IQSEC2: variants seen among roughly 807,000 people sequenced by gnomAD.
IQSEC2 encodes IQ motif and Sec7 domain ArfGEF 2, also known as IQ motif and SEC7 domain-containing protein 2.
Under a neutral mutation model 74.6 loss-of-function variants are expected in IQSEC2, and 6 were observed. The observed-to-expected ratio is 0.08, with a 90% CI of 0.04 to 0.16. The LOEUF (loss-of-function observed/expected upper bound fraction) is 0.16, where lower values mean the gene tolerates loss of function less well. Among genes scored for constraint, IQSEC2 ranks in the 10% least tolerant of loss-of-function variants. The pLI, the probability that IQSEC2 is intolerant of heterozygous loss-of-function variation, is 1.00. For missense variants in IQSEC2, 734 were observed against 1,306.2 expected, an observed-to-expected ratio of 0.56 and a Z score of 6.75; for synonymous variants, 494 against 544.5, an observed-to-expected ratio of 0.91 and a Z score of 1.29.
At chrX:53,282,450 C>T (rs2074979778) in intron 2 of IQSEC2, among the ~76,000 whole-genome samples, 1 of 112,820 alleles carries the variant, frequency 8.9e-6, no homozygotes, top group Admixed American at 9.3e-5. Flanking sequence ...TGTAGGGCTC[C>T]TGAGAATACC....
chrX:53,270,115 G>A (rs1556868407), intron 2 of IQSEC2, among the ~76,000 whole-genome samples: 1 of 110,527 alleles, frequency 9.0e-6, no homozygotes, highest in Non-Finnish European at 1.9e-5. Flanking sequence ...ATGGCCCTTT[G>A]GGCCTTCAGC....
chrX:53,310,919 G>A (rs906545762), intron 1 of IQSEC2, among the ~76,000 whole-genome samples: 29 of 107,349 alleles, frequency 2.7e-4, no homozygotes, highest in African/African-American at 9.5e-4. Flanking sequence ...TCGGGAGTTC[G>A]AGACTAGCCT....
chrX:53,237,554 T>C (rs2074153715), intron 12 of IQSEC2: 1 of 117,787 alleles, frequency 8.5e-6, no homozygotes, highest in Admixed American at 8.3e-5. Flanking sequence ...GTAATCACTA[T>C]TTTCCATTAT....
chrX:53,230,462 A>T (rs1556858272), downstream of IQSEC2: 1 of 113,204 alleles, frequency 8.8e-6, no homozygotes, highest in Admixed American at 9.3e-5. Flanking sequence ...CTCAGTAGCC[A>T]CATGTGGCTA....
At chrX:53,297,796 G>A (rs2075168311) in intron 1 of IQSEC2, among the ~76,000 whole-genome samples, 1 of 111,086 alleles carries the variant, frequency 9.0e-6, no homozygotes, top group Admixed American at 9.6e-5. Context: ...TGCAATCTAG[G>A]CTGGCTGCTC....
chrX:53,279,557 C>A (rs782170141), intron 2 of IQSEC2: 2 of 1,139,335 alleles, frequency 1.8e-6, no homozygotes, highest in South Asian at 3.7e-5. Context: ...ATGGGTCTAG[C>A]TCTTACCTGC....
intron 2 of IQSEC2, among the ~76,000 whole-genome samples, chrX:53,261,745 C>T (rs1556866615): frequency 9.0e-6 from 1 of 111,679 alleles, no homozygotes; most frequent in East Asian, 2.8e-4. Flanking sequence ...GCATCCTCTG[C>T]AGAGGGGGAA....
chrX:53,297,302 C>G, intron 1 of IQSEC2, among the ~76,000 whole-genome samples: 1 of 111,405 alleles, frequency 9.0e-6, no homozygotes, highest in South Asian at 3.8e-4. Flanking sequence ...TCCCATACAA[C>G]TTTTTATTTT....
At chrX:53,244,469 T>C (rs2074271951) in intron 8 of IQSEC2, among the ~76,000 whole-genome samples, 1 of 101,823 alleles carries the variant, frequency 9.8e-6, no homozygotes, top group African/African-American at 3.7e-5. Context: ...GAGGTTGCAG[T>C]GAACCATGAT....
At chrX:53,243,989 G>A (rs1413991330) in intron 8 of IQSEC2, among the ~76,000 whole-genome samples, 1 of 111,476 alleles carries the variant, frequency 9.0e-6, no homozygotes, top group African/African-American at 3.3e-5. Context: ...GGAGGCCGAG[G>A]CAGGTGGATC....
Position 53,321,148 on chromosome X carries a change from C to G in IQSEC2, c.-25G>C, listed in dbSNP as rs1486614329. On this transcript the variant is annotated 5_prime_UTR_variant, in exon 1 of 15. Transcript: ENST00000642864. ...TCCTGGCGGCCCAGGGGCAGGGGAA[C>G]GGGCAGGAGAGCCCTGTCCCCGCTC... The G allele has an allele frequency of 1.9e-5, 18 of 967,969 alleles. No individual in the cohort carries two copies. Among genetic ancestry groups the G allele is most frequent in the Non-Finnish European group, 2.5e-5 (18 of 706,092 alleles). The allele number at this position is 967,969 out of a possible 1,213,427, so 79.8% of individuals were successfully genotyped here. A position where few individuals can be genotyped will look rare whatever the true frequency, so the allele number is the denominator to read the frequency against.
chrX:53,239,328 C>A (rs782504424), intron 10 of IQSEC2, 34 bp from the exon 11 acceptor site: 2 of 934,463 alleles, frequency 2.1e-6, no homozygotes, highest in Non-Finnish European at 3.1e-6. Context: ...CAAGAGGCAG[C>A]GCTTTGGGTG....
At position 53,236,512 on chromosome X, in the gene IQSEC2, G is replaced by T; in HGVS notation, c.3278-17C>A. The stretch of plus-strand genomic sequence containing the variant: ...CCAGCTCCGCTGGGTGGCAGTCGGG[G>T]AGACAGGGAGCAAAGGTCAGGAACA... On this transcript the variant is annotated splice_polypyrimidine_tract_variant and intron_variant, in intron 12 of 14. Transcript: ENST00000642864. The T allele has an allele frequency of 8.4e-7, 1 of 1,185,780 alleles. No homozygotes were observed. The highest frequency in any genetic ancestry group is 1.1e-6 in the Non-Finnish European group (1 of 881,461).
chrX:53,320,530 T>G lies in IQSEC2; in HGVS notation c.594A>C (p.Pro198=), dbSNP rs2146548915. The change falls in exon 1 of 15, where the codon CCA becomes CCC. Residue 198 remains proline (P), a synonymous_variant. Transcript: ENST00000642864. ...GGCTCAGCTGGCCCCGCTCCCGCGG[T>G]GGCCGCGGCCCCACGCCCACCGCCG... is the stretch of plus-strand genomic sequence containing the variant. The part of the protein sequence containing the change: ...YSAAVGVGPR[P]PRERGQLSRG... 1.7e-6 allele frequency: 2 copies of G among 1,156,034 alleles called. No individual in the cohort carries two copies. The highest frequency in any genetic ancestry group is 2.3e-6 in the Non-Finnish European group (2 of 868,087).
intron 2 of IQSEC2, among the ~76,000 whole-genome samples, chrX:53,286,095 T>G (rs1228842685): frequency 8.9e-6 from 1 of 112,133 alleles, no homozygotes; most frequent in African/African-American, 3.2e-5. Context: ...TCAAAATTCC[T>G]GAGGCCACCA....
chrX:53,229,182 G>A (rs2074054306), downstream of IQSEC2: 1 of 111,813 alleles, frequency 8.9e-6, no homozygotes, highest in Admixed American at 9.5e-5. Flanking sequence ...AAAAAGAACC[G>A]GGGCTCCTTG....
At chrX:53,248,654 C>T in intron 6 of IQSEC2, 67 bp downstream of exon 6, 1 of 1,124,175 alleles carries the variant, frequency 8.9e-7, no homozygotes, top group Non-Finnish European at 1.2e-6. Flanking sequence ...AGGCTGCCCC[C>T]TTCCTCCCTC....
At chrX:53,269,644 C>T (rs1312191238) in intron 2 of IQSEC2, among the ~76,000 whole-genome samples, 1 of 110,905 alleles carries the variant, frequency 9.0e-6, no homozygotes, top group African/African-American at 3.3e-5. Flanking sequence ...AACCCGTCTA[C>T]ACTGGCCATC....
intron 1 of IQSEC2, among the ~76,000 whole-genome samples, chrX:53,299,961 T>C (rs898064849): frequency 1.7e-4 from 19 of 110,732 alleles, no homozygotes; most frequent in Non-Finnish European, 3.4e-4. Context: ...GGTTTTACTA[T>C]GTTGCCCAGG....
Sources: allele counts gnomAD v4.1 joint callset (sites outside exome capture counted in the v4.1 genomes callset), GRCh38; gene constraint gnomAD v4.1.1; transcripts MANE v1.5; gene names NCBI Gene and HGNC (gene_info 2026-07-23, HGNC 2026-07-21).